Variants in MYBPHL observed in about 807,000 individuals in gnomAD.
MYBPHL encodes the protein myosin-binding protein H-like.
In MYBPHL, 32 loss-of-function variants were observed where a neutral mutation model predicts 39.5. That is an observed-to-expected ratio of 0.81 (90% CI 0.61 to 1.09). The LOEUF (loss-of-function observed/expected upper bound fraction) is 1.09. MYBPHL is among the 50% of genes least tolerant of loss of function. The pLI is 0.00. For synonymous variants in MYBPHL, 196 were observed against 183.7 expected (o/e 1.07, Z -0.54); for missense variants, 456 against 460.2 (o/e 0.99, Z 0.08).
At chr1:109,305,805 G>C (rs1366766754) in intron 1 of MYBPHL, among the ~76,000 whole-genome samples, 1 of 152,224 alleles carries the variant, frequency 6.6e-6, no homozygotes, top group Non-Finnish European at 1.5e-5. Context: ...CAACCCTATG[G>C]AGGTAGAACG....
chr1:109,304,674 G>C (rs1432568641), intron 1 of MYBPHL, among the ~76,000 whole-genome samples: 2 of 152,184 alleles, frequency 1.3e-5, no homozygotes, highest in Non-Finnish European at 2.9e-5. Context: ...GAGGGATGCA[G>C]CTTGTTCCCC....
chr1:109,296,384 G>C lies in MYBPHL; in HGVS notation c.731-14C>G. The C allele has an allele frequency of 6.2e-7, 1 of 1,613,988 alleles. No homozygotes were observed. Among genetic ancestry groups the C allele is most frequent in the Non-Finnish European group, 8.5e-7 (1 of 1,179,948 alleles). On this transcript the variant is annotated splice_polypyrimidine_tract_variant and intron_variant, in intron 5 of 8. Transcript: ENST00000357155. ...TGTAAACAGTAGCTGAGGGCACCAA[G>C]AGGGGCTGGCATGTAGCTTCTGAGA... is the stretch of plus-strand genomic sequence containing the variant.
intron 1 of MYBPHL, among the ~76,000 whole-genome samples, chr1:109,298,820 C>T (rs1022487903): frequency 2.0e-5 from 3 of 152,104 alleles, no homozygotes; most frequent in Admixed American, 6.5e-5. Context: ...GGGTCCCTTC[C>T]TCTGCATGGC....
rs192917317 is a variant in MYBPHL, at chr1:109,302,861, G to A, written c.145+3986C>T. 2.9e-3 allele frequency among the ~76,000 whole-genome samples: 448 copies of A among 152,268 alleles called. 1 individual carries two copies. The highest frequency in any genetic ancestry group is 3.4e-3 in the Middle Eastern group (1 of 294). ...AGCTATCTCTGAGAAGTGGCTGCCCGGCCACCTTTTGCTGGATGGCTACGC... is the reference window on the plus strand; with the variant it reads ...AGCTATCTCTGAGAAGTGGCTGCCCAGCCACCTTTTGCTGGATGGCTACGC... On this transcript the variant is annotated intron_variant, in intron 1 of 8. Transcript: ENST00000357155.
At chr1:109,303,577 C>T (rs1008249768) in intron 1 of MYBPHL, among the ~76,000 whole-genome samples, 3 of 152,162 alleles carry the variant, frequency 2.0e-5, no homozygotes, top group Non-Finnish European at 4.4e-5. Flanking sequence ...ACTCGGTCTC[C>T]CATTGTCCTG....
At chr1:109,295,036 G>T in intron 7 of MYBPHL, 75 bp downstream of exon 7, 3 of 1,516,426 alleles carry the variant, frequency 2.0e-6, no homozygotes, top group South Asian at 1.2e-5. Context: ...TTGCGTCTCT[G>T]TTCCCTGACT....
chr1:109,294,779 G>A (rs562452858), intron 7 of MYBPHL, among the ~76,000 whole-genome samples: 2 of 152,216 alleles, frequency 1.3e-5, no homozygotes, highest in Non-Finnish European at 2.9e-5. Context: ...GCGAGGACCC[G>A]GAGACCTGGG....
chr1:109,300,661 C>G (rs1335872209), intron 1 of MYBPHL, among the ~76,000 whole-genome samples: 2 of 152,182 alleles, frequency 1.3e-5, no homozygotes, highest in African/African-American at 2.4e-5. Context: ...TTATGTGGAA[C>G]ATAAGCTAAG....
At chr1:109,303,876 C>T (rs907502600) in intron 1 of MYBPHL, among the ~76,000 whole-genome samples, 5 of 152,210 alleles carry the variant, frequency 3.3e-5, no homozygotes, top group Non-Finnish European at 5.9e-5. Context: ...GCCACAATGG[C>T]CCCAACCCAT....
At chr1:109,293,686 G>C (rs1001893544) in intron 8 of MYBPHL, among the ~76,000 whole-genome samples, 1 of 151,818 alleles carries the variant, frequency 6.6e-6, no homozygotes, top group African/African-American at 2.4e-5. Flanking sequence ...CTTGCAGTGA[G>C]CCGAGATAGC....
chr1:109,305,862 T>C (rs932418981), intron 1 of MYBPHL, among the ~76,000 whole-genome samples: 3 of 152,236 alleles, frequency 2.0e-5, no homozygotes, highest in Non-Finnish European at 4.4e-5. Context: ...TATTTACATC[T>C]TAGTTTGGCC....
At chr1:109,294,004 C>T (rs1657963155) in intron 8 of MYBPHL, among the ~76,000 whole-genome samples, 1 of 152,018 alleles carries the variant, frequency 6.6e-6, no homozygotes. Context: ...GCAGAGGTTG[C>T]AGTGAGCCAA....
At position 109,296,337 on chromosome 1, in the gene MYBPHL, C is replaced by T. The variant is rs200868923; in HGVS notation, c.764G>A (p.Arg255Gln). The T allele has an allele frequency of 6.0e-5, 97 of 1,614,078 alleles. No homozygotes were observed. In the East Asian group the frequency reaches 1.1e-3, roughly 19 times the overall value. Reference protein sequence around the residue: ...TVYKTKGFAQRDFSEAPKFTQ... With the variant: ...TVYKTKGFAQQDFSEAPKFTQ... ...AAACTTTGGGGCTTCAGAGAAGTCTCGTTGGGCAAACCCCTTGGTCTTGTA... is the reference window on the plus strand; with the variant it reads ...AAACTTTGGGGCTTCAGAGAAGTCTTGTTGGGCAAACCCCTTGGTCTTGTA... The change falls in exon 6 of 9, where the codon CGA becomes CAA. Residue 255 changes from arginine (R) to glutamine (Q), a missense_variant. Physicochemically the swap from Arg to Gln is conservative, Grantham distance 43. Transcript: ENST00000357155.
intron 5 of MYBPHL, 92 bp from the exon 6 acceptor site, chr1:109,296,462 G>A (rs1444485587): frequency 7.0e-6 from 10 of 1,432,366 alleles, no homozygotes; most frequent in Non-Finnish European, 9.5e-6. Context: ...TTTTTGAGGT[G>A]GAGTCTCACT....
At chr1:109,303,130 C>T (rs1433747727) in intron 1 of MYBPHL, among the ~76,000 whole-genome samples, 1 of 152,186 alleles carries the variant, frequency 6.6e-6, no homozygotes, top group African/African-American at 2.4e-5. Context: ...TATGTCATTC[C>T]TGAGACCTGT....
rs374848112 is a variant in MYBPHL at position 109,297,483 on chromosome 1, G to T, written c.369C>A (p.Tyr123Ter). Residue 123 changes from tyrosine to a stop codon, truncating the protein, a stop_gained, in exon 3 of 9, where the codon TAC becomes TAA. Coordinates refer to ENST00000357155, the MANE Select transcript of MYBPHL (RefSeq NM_001010985.3). LOFTEE classifies it high-confidence loss of function. ...GCCCACCCAGCTGCACGCGGAGTTG[G>T]TAGCGACCTGAGTCAGCACGTTGGG... ...REAQRADSGR[Y>*]QLRVQLGGLE... is the part of the protein sequence containing the mutation. 5.0e-6 allele frequency: 8 copies of T among 1,613,448 alleles called. No individual in the cohort carries two copies. Among genetic ancestry groups the T allele is most frequent in the Non-Finnish European group, 6.8e-6 (8 of 1,180,042 alleles).
chr1:109,302,065 GTGTGTGAATGT>G, intron 1 of MYBPHL, among the ~76,000 whole-genome samples: 1 of 152,030 alleles, frequency 6.6e-6, no homozygotes, highest in African/African-American at 2.4e-5. Context: ...GTGAGTGTAT[GTGTGTGAATGT>G]GTGTGTTTGT....
intron 2 of MYBPHL, 93 bp downstream of exon 2, chr1:109,298,076 C>T (rs1463157360): frequency 9.3e-7 from 1 of 1,074,630 alleles, no homozygotes; most frequent in South Asian, 1.5e-5. Context: ...GGGAAGATTG[C>T]CCCTCTGCTA....
rs1195116001 is a variant in MYBPHL at position 109,306,882 on chromosome 1, C to T, written c.110G>A (p.Gly37Asp). The change falls in exon 1 of 9, where the codon GGC (glycine) becomes GAC (aspartate). Residue 37 changes from glycine to aspartate, a missense_variant. Transcript: ENST00000357155. ...PPQASPGQGAGSPTPQLLPPI... is the reference protein window; with the variant it reads ...PPQASPGQGADSPTPQLLPPI... ...GGGCAGGAGCTGGGGAGTGGGGCTG[C>T]CAGCCCCCTGTCCAGGTGAAGCCTG... 1.2e-6 allele frequency: 2 copies of T among 1,600,584 alleles called. No homozygotes were observed. Among genetic ancestry groups the T allele is most frequent in the South Asian group, 2.2e-5 (2 of 89,300 alleles).
Sources: allele counts gnomAD v4.1 joint callset (sites outside exome capture counted in the v4.1 genomes callset), GRCh38; gene constraint gnomAD v4.1.1; transcripts MANE v1.5; gene names NCBI Gene and HGNC (gene_info 2026-07-23, HGNC 2026-07-21).